The following KIRREL3 variants were observed in gnomAD, a reference collection of about 807,000 sequenced individuals.
The protein encoded by KIRREL3 is kirre like nephrin family adhesion molecule 3.
KIRREL3 carries 36 observed loss-of-function variants against 89.7 expected under a neutral mutation model. That is an observed-to-expected ratio of 0.40 (90% CI 0.31 to 0.53). KIRREL3 has a LOEUF of 0.53. KIRREL3 is among the 20% of genes least tolerant of loss of function. KIRREL3 has a pLI of 0.49. For missense variants in KIRREL3, 864 were observed against 1,056.6 expected (o/e 0.82, Z 2.53); for synonymous variants, 445 against 441.4 (o/e 1.01, Z -0.10).
Position 126,748,516 on chromosome 11 carries a change from C to A in KIRREL3, c.56-185604G>T, listed in dbSNP as rs546754599. On this transcript the variant is annotated intron_variant, in intron 1 of 16. Coordinates refer to ENST00000525144, the MANE Select transcript of KIRREL3 (RefSeq NM_032531.4). This position sits in a 1 kb window ranked among gnomAD's most constrained non-coding sequence, Gnocchi z 4.6. ...CATCTCTAAACAGGCTCTGTGGAGG[C>A]GAGGCCTGGCTCCGTTCAAGTGCTT... 6.6e-6 allele frequency among the ~76,000 whole-genome samples: 1 copy of A among 152,150 alleles called. No individual in the cohort carries two copies. Among genetic ancestry groups the A allele is most frequent in the Non-Finnish European group, 1.5e-5 (1 of 68,030 alleles).
chr11:126,722,911 C>T (rs1470775236), intron 1 of KIRREL3, among the ~76,000 whole-genome samples: 1 of 152,240 alleles, frequency 6.6e-6, no homozygotes, highest in African/African-American at 2.4e-5. Context: ...CACTCCTTTG[C>T]ATCATGGTGA....
At chr11:126,845,637 G>A (rs1565346524) in intron 1 of KIRREL3, among the ~76,000 whole-genome samples, 1 of 152,110 alleles carries the variant, frequency 6.6e-6, no homozygotes, top group Non-Finnish European at 1.5e-5. Context: ...TTTTCAGAAT[G>A]GCAGCCTGGG....
intron 1 of KIRREL3, among the ~76,000 whole-genome samples, chr11:126,973,445 G>A (rs1217935094): frequency 6.6e-6 from 1 of 152,208 alleles, no homozygotes; most frequent in East Asian, 1.9e-4. Context: ...TGGAAGTGAT[G>A]AAGAGTTCTG....
At chr11:126,836,600 G>A (rs1943789700) in intron 1 of KIRREL3, among the ~76,000 whole-genome samples, 1 of 152,210 alleles carries the variant, frequency 6.6e-6, no homozygotes, top group East Asian at 1.9e-4. Flanking sequence ...GAAACAATGT[G>A]GTAGCAAGAA....
chr11:126,549,722 C>T (rs1007843966), intron 2 of KIRREL3: 2 of 152,106 alleles, frequency 1.3e-5, no homozygotes, highest in Non-Finnish European at 2.9e-5. Context: ...TAGTGGAGAC[C>T]CCAGGATCTT....
At position 126,965,023 on chromosome 11, in the gene KIRREL3, A is replaced by G. The variant is rs139750194; in HGVS notation, c.55+35432T>C. Among the ~76,000 whole-genome samples the G allele has an allele frequency of 6.2e-4, 94 of 152,334 alleles. No individual in the cohort carries two copies. Among genetic ancestry groups the G allele is most frequent in the African/African-American group, 1.9e-3 (81 of 41,584 alleles). ...AAGTGCACCTCCCTCTAGCAGATGC[A>G]TAAAAGTGTTGTACTCCCAACTCAA... On this transcript the variant is annotated intron_variant, in intron 1 of 16. Coordinates refer to ENST00000525144, the MANE Select transcript of KIRREL3 (RefSeq NM_032531.4). The surrounding 1 kb of genome is among the most constrained non-coding windows in gnomAD (Gnocchi z 4.4).
rs1169519861 is a variant in KIRREL3 at position 126,564,853 on chromosome 11, AC to A, written c.56-1942del. Among the ~76,000 whole-genome samples, 1 of 152,214 alleles carries A rather than the reference AC, an allele frequency of 6.6e-6. No individual in the cohort carries two copies. The highest frequency in any genetic ancestry group is 2.4e-5 in the African/African-American group (1 of 41,452). Reference sequence around the variant, plus strand: ...CTGGAACAATAGCCTCTCGAGGGAGACTGTATTGAAACCTCAACACGCTGAC... The same window carrying A: ...CTGGAACAATAGCCTCTCGAGGGAGATGTATTGAAACCTCAACACGCTGAC... On this transcript the variant is annotated intron_variant, in intron 1 of 16. Coordinates refer to ENST00000525144, the MANE Select transcript of KIRREL3 (RefSeq NM_032531.4). This position sits in a 1 kb window ranked among gnomAD's most constrained non-coding sequence, Gnocchi z 7.4.
Position 126,667,515 on chromosome 11 carries a change from G to A in KIRREL3, c.56-104603C>T, listed in dbSNP as rs573656261. ...CCCAATGCGAGGTGAAGGGAAGATCGGGGGAGAATAGGGAGAGAAGGGCTG... is the reference window on the plus strand; with the variant it reads ...CCCAATGCGAGGTGAAGGGAAGATCAGGGGAGAATAGGGAGAGAAGGGCTG... On this transcript the variant is annotated intron_variant, in intron 1 of 16. Coordinates refer to ENST00000525144, the MANE Select transcript of KIRREL3 (RefSeq NM_032531.4). Among the ~76,000 whole-genome samples the A allele has an allele frequency of 3.9e-5, 6 of 152,280 alleles. No homozygotes were observed. In the South Asian group the frequency reaches 6.2e-4, roughly 16 times the overall value.
At chr11:126,442,198 T>C (rs1342124452) in intron 10 of KIRREL3, among the ~76,000 whole-genome samples, 3 of 140,918 alleles carry the variant, frequency 2.1e-5, no homozygotes, top group Admixed American at 1.5e-4. Flanking sequence ...GAGGTGGAGG[T>C]TGCAGTGAGC....
chr11:126,458,064 C>T (rs553930784), intron 6 of KIRREL3, among the ~76,000 whole-genome samples: 56 of 152,218 alleles, frequency 3.7e-4, no homozygotes, highest in African/African-American at 1.3e-3. Context: ...TGGGGGATAA[C>T]GAGCCAGTTC....
In KIRREL3 at chr11:126,491,470, T is replaced by G. The variant is rs1957512917; in HGVS notation, c.434-18004A>C. Among the ~76,000 whole-genome samples the G allele has an allele frequency of 2.0e-5, 3 of 152,282 alleles. No homozygotes were observed. In the South Asian group the frequency reaches 6.2e-4, roughly 32 times the overall value. On this transcript the variant is annotated intron_variant, in intron 4 of 16. Transcript: ENST00000525144. This position sits in a 1 kb window ranked among gnomAD's most constrained non-coding sequence, Gnocchi z 5.5. The stretch of plus-strand genomic sequence containing the variant: ...GGCTAAAGCCTGCATCCTGGTTCTC[T>G]GCTCCCATCTGGGCCAGACTGTTGG...
chr11:126,431,025 A>G lies in KIRREL3; in HGVS notation c.1696+394T>C. 3 of 1,184,082 alleles carry G rather than the reference A, an allele frequency of 2.5e-6. No homozygotes were observed. Among genetic ancestry groups the G allele is most frequent in the Non-Finnish European group, 3.1e-6 (3 of 956,392 alleles). The allele number at this position is 1,184,082 out of a possible 1,614,324, so 73.3% of individuals were successfully genotyped here. ...AGTGACCTGCTTTTCTGGTGAGACT[A>G]GCAGCTCTTTATTTTTATTTTGTTG... is the stretch of plus-strand genomic sequence containing the variant. On this transcript the variant is annotated intron_variant, in intron 14 of 16. Coordinates refer to ENST00000525144, the MANE Select transcript of KIRREL3 (RefSeq NM_032531.4). This position sits in a 1 kb window ranked among gnomAD's most constrained non-coding sequence, Gnocchi z 7.1.
At chr11:126,767,516 C>T (rs945786757) in intron 1 of KIRREL3, among the ~76,000 whole-genome samples, 2 of 151,220 alleles carry the variant, frequency 1.3e-5, no homozygotes, top group Non-Finnish European at 2.9e-5. Flanking sequence ...AACCCTGGCC[C>T]TGTTGCTTGT....
chr11:126,830,436 T>C lies in KIRREL3; in HGVS notation c.55+170019A>G, dbSNP rs1943566404. 1.3e-5 allele frequency among the ~76,000 whole-genome samples: 2 copies of C among 152,236 alleles called. No individual in the cohort carries two copies. On this transcript the variant is annotated intron_variant, in intron 1 of 16. Transcript: ENST00000525144. This position sits in a 1 kb window ranked among gnomAD's most constrained non-coding sequence, Gnocchi z 4.9. ...GAAAACAGATGTTGAGAAATGCCAT[T>C]ATCCCATGCACGCTACAATAAATAG...
intron 1 of KIRREL3, among the ~76,000 whole-genome samples, chr11:126,732,802 G>A (rs1346420143): frequency 6.6e-6 from 1 of 152,212 alleles, no homozygotes; most frequent in African/African-American, 2.4e-5. Context: ...CCAGAGCACT[G>A]CAGAGTGGAA....
chr11:126,848,343 A>T (rs1318551808), intron 1 of KIRREL3, among the ~76,000 whole-genome samples: 1 of 152,250 alleles, frequency 6.6e-6, no homozygotes, highest in Non-Finnish European at 1.5e-5. Flanking sequence ...ATTTGTCTTT[A>T]GTGAAAATGG....
chr11:126,463,464 G>A lies in KIRREL3; in HGVS notation c.592-157C>T, dbSNP rs546264056. The stretch of plus-strand genomic sequence containing the variant: ...CCTGGGCTGCCCATGTCTACGCAGA[G>A]CTCGGGGGTTACCCCCTGGCTCCCT... On this transcript the variant is annotated intron_variant, in intron 5 of 16. Transcript: ENST00000525144. This position sits in a 1 kb window ranked among gnomAD's most constrained non-coding sequence, Gnocchi z 5.9. 1.3e-5 allele frequency among the ~76,000 whole-genome samples: 2 copies of A among 152,340 alleles called. No homozygotes were observed. Among genetic ancestry groups the A allele is most frequent in the South Asian group, 2.1e-4 (1 of 4,828 alleles).
In KIRREL3 at chr11:126,923,259, TTCTTCTTCTCCTTCTCC is replaced by T. The variant is rs1565424204; in HGVS notation, c.55+77179_55+77195del. 3.4e-4 allele frequency among the ~76,000 whole-genome samples: 35 copies of T among 104,420 alleles called. 9 individuals are homozygous for T. The highest frequency in any genetic ancestry group is 4.8e-4 in the Non-Finnish European group (25 of 52,288). 68.5% of individuals were successfully genotyped at this position (104,420 alleles called of 152,430 possible). On this transcript the variant is annotated intron_variant, in intron 1 of 16. Transcript: ENST00000525144. ...CTTCTTCTTCTTCTTCTTCTTCTTC[TTCTTCTTCTCCTTCTCC>T]TTCTCCTTCTCCTTCTCCTTCTTCC...
intron 1 of KIRREL3, among the ~76,000 whole-genome samples, chr11:126,626,524 A>G (rs1416089388): frequency 6.6e-6 from 1 of 152,198 alleles, no homozygotes; most frequent in Non-Finnish European, 1.5e-5. Flanking sequence ...TAGTAGCTGG[A>G]CAGTAGGGGG....
Sources: allele counts gnomAD v4.1 joint callset (sites outside exome capture counted in the v4.1 genomes callset), GRCh38; gene constraint gnomAD v4.1.1; non-coding constraint Gnocchi (gnomAD v3.1); transcripts MANE v1.5; gene names NCBI Gene and HGNC (gene_info 2026-07-23, HGNC 2026-07-21).